NELL2: variants seen among roughly 807,000 people sequenced by gnomAD.
NELL2 encodes the protein protein kinase C-binding protein NELL2.
NELL2 carries 41 observed loss-of-function variants against 109.6 expected under a neutral mutation model. The ratio of observed to expected loss-of-function variants is 0.37; its 90% confidence interval spans 0.29 to 0.49. The LOEUF (loss-of-function observed/expected upper bound fraction) is 0.49. Among genes scored for constraint, NELL2 ranks in the 20% least tolerant of loss-of-function variants. The probability of loss-of-function intolerance (pLI) is 0.98; values close to 1 mark genes in which losing one functional copy is unlikely to be tolerated. For synonymous variants in NELL2, 355 were observed against 344.7 expected, an observed-to-expected ratio of 1.03 and a Z score of -0.33; for missense variants, 900 against 1,008.3, an observed-to-expected ratio of 0.89 and a Z score of 1.45.
chr12:44,811,178 G>A (rs552095891), intron 3 of NELL2, among the ~76,000 whole-genome samples: 23 of 151,822 alleles, frequency 1.5e-4, no homozygotes, highest in African/African-American at 5.6e-4. Flanking sequence ...CCTCGCAAGG[G>A]GTCAGGGGGA....
intron 12 of NELL2, among the ~76,000 whole-genome samples, chr12:44,677,805 T>C (rs1372869087): frequency 6.6e-6 from 1 of 152,090 alleles, no homozygotes; most frequent in Non-Finnish European, 1.5e-5. Context: ...CCTTCTTTTT[T>C]AACTAAACAA....
intron 9 of NELL2, among the ~76,000 whole-genome samples, chr12:44,738,638 T>C (rs570581605): frequency 3.9e-5 from 6 of 152,008 alleles, no homozygotes; most frequent in African/African-American, 1.2e-4. Context: ...ACTAGAACCA[T>C]AGATGCCATG....
At chr12:44,783,425 C>T (rs1020462655) in intron 3 of NELL2, among the ~76,000 whole-genome samples, 10 of 151,036 alleles carry the variant, frequency 6.6e-5, no homozygotes, top group Non-Finnish European at 1.3e-4. Flanking sequence ...ATCAATGAAC[C>T]ACAAGCTGGT....
intron 1 of NELL2, 139 bp from the exon 2 acceptor site, chr12:44,875,492 C>T: frequency 6.2e-7 from 1 of 1,613,984 alleles, no homozygotes. Flanking sequence ...CCTCCTCCTC[C>T]GCCGAGAGCC....
intron 12 of NELL2, among the ~76,000 whole-genome samples, chr12:44,687,086 A>C (rs1334263794): frequency 2.6e-5 from 4 of 152,172 alleles, no homozygotes; most frequent in Admixed American, 6.5e-5. Context: ...CTCCGAGCCA[A>C]GTGGGGGATA....
rs753751267 is a variant in NELL2, at chr12:44,581,766, T to TA, written c.1663+25402_1663+25403insT. Among the ~76,000 whole-genome samples the TA allele has an allele frequency of 1.0e-3, 152 of 152,308 alleles. 2 individuals carry two copies. The highest frequency in any genetic ancestry group is 1.6e-3 in the Non-Finnish European group (108 of 68,018). On this transcript the variant is annotated intron_variant, in intron 15 of 19. Transcript: ENST00000429094. Reference sequence around the variant, plus strand: ...ATAAAAATCAATTGAAAGCTATTACTGAACTATGATCTTAACTTGAATATA... The same window carrying TA: ...ATAAAAATCAATTGAAAGCTATTACTAGAACTATGATCTTAACTTGAATATA...
chr12:44,775,878 A>G, intron 8 of NELL2, 144 bp downstream of exon 8: 1 of 803,002 alleles, frequency 1.2e-6, no homozygotes, highest in Non-Finnish European at 1.9e-6. Flanking sequence ...ACAGTTCTTT[A>G]GATATGACCA....
intron 15 of NELL2, among the ~76,000 whole-genome samples, chr12:44,589,808 T>C (rs894362731): frequency 2.6e-5 from 4 of 152,240 alleles, no homozygotes; most frequent in African/African-American, 9.6e-5. Context: ...ACAGAAACTT[T>C]GCACAGATCC....
intron 9 of NELL2, among the ~76,000 whole-genome samples, chr12:44,754,208 A>G (rs1182828057): frequency 6.6e-6 from 1 of 152,208 alleles, no homozygotes; most frequent in African/African-American, 2.4e-5. Context: ...AAAGTATGAT[A>G]TTCAGTGTTG....
chr12:44,552,590 A>G (rs1019295149), intron 15 of NELL2, among the ~76,000 whole-genome samples: 3 of 152,110 alleles, frequency 2.0e-5, no homozygotes, highest in African/African-American at 4.8e-5. Flanking sequence ...GGGGAAAAGA[A>G]AGACATACTA....
At chr12:44,722,042 G>T (rs1234768205) in intron 9 of NELL2, among the ~76,000 whole-genome samples, 9 of 151,914 alleles carry the variant, frequency 5.9e-5, no homozygotes, top group Admixed American at 5.9e-4. Context: ...AAGCAACTGA[G>T]GACAGAAAAA....
chr12:44,729,273 T>C (rs1161623581), intron 9 of NELL2, among the ~76,000 whole-genome samples: 1 of 152,040 alleles, frequency 6.6e-6, no homozygotes, highest in Non-Finnish European at 1.5e-5. Flanking sequence ...AAAGTTAAGT[T>C]GTTATCAACT....
intron 3 of NELL2, among the ~76,000 whole-genome samples, chr12:44,798,959 T>TC (rs1483848726): frequency 7.5e-6 from 1 of 133,750 alleles, no homozygotes; most frequent in East Asian, 2.1e-4. Flanking sequence ...TTTTTTTTTT[T>TC]TTTTTTTTTT....
intron 15 of NELL2, among the ~76,000 whole-genome samples, chr12:44,548,095 G>A (rs1592100890): frequency 6.6e-6 from 1 of 152,070 alleles, no homozygotes; most frequent in East Asian, 1.9e-4. Context: ...CTAGAACACA[G>A]CCTGGTACAC....
intron 13 of NELL2, among the ~76,000 whole-genome samples, chr12:44,640,437 T>C (rs1298037006): frequency 6.6e-6 from 1 of 152,230 alleles, no homozygotes. Context: ...CAAATAATTG[T>C]TTTGCCTCCT....
rs148808388 is a variant in NELL2 at position 44,887,236 on chromosome 12, C to T, written c.39-11336G>A. 7.0e-4 allele frequency among the ~76,000 whole-genome samples: 106 copies of T among 152,074 alleles called. 1 individual carries two copies. The highest frequency in any genetic ancestry group is 2.1e-3 in the African/African-American group (88 of 41,384). ...TTCACTATATTCCACCGGCTGGTCTCGAACTCCTGGGCTTAAGCGAACTTC... is the reference window on the plus strand; with the variant it reads ...TTCACTATATTCCACCGGCTGGTCTTGAACTCCTGGGCTTAAGCGAACTTC... On this transcript the variant is annotated intron_variant, in intron 1 of 20. Transcript: ENST00000333837.
intron 9 of NELL2, among the ~76,000 whole-genome samples, chr12:44,741,980 A>G (rs545433553): frequency 6.6e-6 from 1 of 152,268 alleles, no homozygotes; most frequent in South Asian, 2.1e-4. Flanking sequence ...CCCAGCACAC[A>G]GTTTGAGATC....
intron 16 of NELL2, among the ~76,000 whole-genome samples, chr12:44,527,889 T>C (rs1214163713): frequency 2.6e-5 from 4 of 152,066 alleles, no homozygotes; most frequent in African/African-American, 4.8e-5. Context: ...GTCAGGAGAC[T>C]GAGACCATCT....
intron 15 of NELL2, among the ~76,000 whole-genome samples, chr12:44,543,813 G>C (rs1275500217): frequency 2.6e-5 from 4 of 151,980 alleles, no homozygotes; most frequent in Admixed American, 2.6e-4. Context: ...AAATCCTCTG[G>C]CTGCAACCTC....
Sources: allele counts gnomAD v4.1 joint callset (sites outside exome capture counted in the v4.1 genomes callset), GRCh38; gene constraint gnomAD v4.1.1; transcripts MANE v1.5; gene names NCBI Gene and HGNC (gene_info 2026-07-23, HGNC 2026-07-21).